The following KHDRBS3 variants were observed in gnomAD, a reference collection of about 807,000 sequenced individuals.
KHDRBS3 encodes the protein KH RNA binding domain containing, signal transduction associated 3, also known as KH domain-containing, RNA-binding, signal transduction-associated protein 3.
KHDRBS3 carries 23 observed loss-of-function variants against 45.6 expected under a neutral mutation model. The observed-to-expected ratio is 0.50, with a 90% CI of 0.36 to 0.72. The LOEUF (loss-of-function observed/expected upper bound fraction) is 0.72, where lower values mean the gene tolerates loss of function less well. Among genes scored for constraint, KHDRBS3 ranks in the 30% least tolerant of loss-of-function variants. KHDRBS3 has a pLI of 0.00. For missense variants in KHDRBS3, 352 were observed against 424.8 expected (o/e 0.83, Z 1.51); for synonymous variants, 162 against 156.5 (o/e 1.04, Z -0.26).
intron 7 of KHDRBS3, among the ~76,000 whole-genome samples, chr8:135,630,074 G>A (rs1386275143): frequency 4.6e-5 from 7 of 152,214 alleles, no homozygotes; most frequent in Non-Finnish European, 1.0e-4. Flanking sequence ...GGGCAGAGAG[G>A]GAGTAAGGAA....
intron 4 of KHDRBS3, 46 bp from the exon 5 acceptor site, chr8:135,557,402 A>T (rs368582747): frequency 1.5e-6 from 2 of 1,290,842 alleles, no homozygotes; most frequent in East Asian, 2.7e-5. Context: ...ATATTTTTGC[A>T]TTTCTAATAT....
At chr8:135,565,360 A>C (rs1179458809) in intron 5 of KHDRBS3, among the ~76,000 whole-genome samples, 1 of 152,102 alleles carries the variant, frequency 6.6e-6, no homozygotes, top group Non-Finnish European at 1.5e-5. Flanking sequence ...ACACATTATA[A>C]ATTTTTGAGA....
chr8:135,566,639 G>C, intron 5 of KHDRBS3, among the ~76,000 whole-genome samples: 1 of 152,100 alleles, frequency 6.6e-6, no homozygotes, highest in East Asian at 1.9e-4. Flanking sequence ...AAGATCACTT[G>C]AGCCCATGAG....
intron 6 of KHDRBS3, among the ~76,000 whole-genome samples, chr8:135,591,647 T>A (rs529341645): frequency 6.6e-6 from 1 of 152,212 alleles, no homozygotes; most frequent in South Asian, 2.1e-4. Context: ...TTCTGAAATT[T>A]TGATGACTAG....
chr8:135,482,668 G>C (rs1052262108), intron 1 of KHDRBS3, among the ~76,000 whole-genome samples: 22 of 152,118 alleles, frequency 1.4e-4, no homozygotes, highest in Admixed American at 2.0e-4. Context: ...CTTGCTGTTT[G>C]AGATGATGAT....
chr8:135,542,986 A>G (rs192517359), intron 3 of KHDRBS3, among the ~76,000 whole-genome samples: 1 of 152,288 alleles, frequency 6.6e-6, no homozygotes, highest in African/African-American at 2.4e-5. Flanking sequence ...TAATACTTAA[A>G]GTTTTGATTG....
chr8:135,588,991 A>G (rs867197728), intron 6 of KHDRBS3, among the ~76,000 whole-genome samples: 10 of 152,300 alleles, frequency 6.6e-5, no homozygotes, highest in African/African-American at 2.2e-4. Flanking sequence ...CCTTCTCTGT[A>G]TTCAAATAGC....
chr8:135,485,894 A>C (rs967085339), intron 1 of KHDRBS3, among the ~76,000 whole-genome samples: 1 of 141,154 alleles, frequency 7.1e-6, no homozygotes, highest in Non-Finnish European at 1.5e-5. Context: ...GCCTCAAAAT[A>C]TAATGTTTAC....
chr8:135,569,619 A>T (rs73712065), intron 5 of KHDRBS3, among the ~76,000 whole-genome samples: 2,775 of 152,226 alleles, frequency 0.018, 83 homozygotes, highest in African/African-American at 0.062. Context: ...GAAAGAAAAA[A>T]TATATATATT....
At chr8:135,460,309 T>C (rs1421659000) in intron 1 of KHDRBS3, among the ~76,000 whole-genome samples, 2 of 152,230 alleles carry the variant, frequency 1.3e-5, no homozygotes, top group East Asian at 3.8e-4. Flanking sequence ...AATAGATATG[T>C]TTTATGGTAT....
At chr8:135,481,448 A>G (rs1456149357) in intron 1 of KHDRBS3, among the ~76,000 whole-genome samples, 1 of 127,078 alleles carries the variant, frequency 7.9e-6, no homozygotes, top group African/African-American at 2.5e-5. Context: ...CCTCTGTCAT[A>G]GTCTCTGTCA....
chr8:135,594,688 A>G lies in KHDRBS3; in HGVS notation c.808-12267A>G, dbSNP rs1828895365. ...GACATTAATATATAAAAATTGTAAT[A>G]TCCAGTACTATTCACATGTGCTAGA... On this transcript the variant is annotated intron_variant, in intron 6 of 8. Coordinates refer to ENST00000355849, the MANE Select transcript of KHDRBS3 (RefSeq NM_006558.3). Among the ~76,000 whole-genome samples, 3 of 152,352 alleles carry G rather than the reference A, an allele frequency of 2.0e-5. No individual in the cohort carries two copies. The East Asian group carries it at 5.8e-4, about 29-fold the overall frequency.
intron 2 of KHDRBS3, among the ~76,000 whole-genome samples, chr8:135,534,720 C>T (rs1211570634): frequency 7.2e-5 from 11 of 152,150 alleles, no homozygotes; most frequent in African/African-American, 1.7e-4. Flanking sequence ...TCAGGCCCTG[C>T]GTGGTGCCCT....
At chr8:135,537,104 G>GGC (rs1217088524) in intron 2 of KHDRBS3, among the ~76,000 whole-genome samples, 1 of 151,570 alleles carries the variant, frequency 6.6e-6, no homozygotes, top group African/African-American at 2.4e-5. Context: ...TGAACACACA[G>GGC]GCCTAGTCAG....
At chr8:135,493,525 T>TA (rs2130439375) in intron 1 of KHDRBS3, among the ~76,000 whole-genome samples, 1 of 152,302 alleles carries the variant, frequency 6.6e-6, no homozygotes, top group Admixed American at 6.5e-5. Flanking sequence ...TATTTTAAAA[T>TA]ACTTTTCTGC....
intron 1 of KHDRBS3, among the ~76,000 whole-genome samples, chr8:135,514,680 C>G (rs943061180): frequency 1.3e-5 from 2 of 152,044 alleles, no homozygotes; most frequent in African/African-American, 4.8e-5. Flanking sequence ...AAATGGTTGA[C>G]TATAAATTTT....
At chr8:135,653,689 T>G (rs182249327) in intron 4 of KHDRBS3, among the ~76,000 whole-genome samples, 207 of 152,280 alleles carry the variant, frequency 1.4e-3, no homozygotes, top group African/African-American at 4.9e-3. Flanking sequence ...AATGTAAGTG[T>G]TTTGAGTATG....
chr8:135,598,801 A>G (rs368959710), intron 6 of KHDRBS3, among the ~76,000 whole-genome samples: 1 of 152,202 alleles, frequency 6.6e-6, no homozygotes, highest in Middle Eastern at 3.2e-3. Flanking sequence ...AACTCAAATT[A>G]TAAGACTAAG....
chr8:135,487,695 A>G (rs1822934064), intron 1 of KHDRBS3, among the ~76,000 whole-genome samples: 1 of 152,200 alleles, frequency 6.6e-6, no homozygotes, highest in African/African-American at 2.4e-5. Flanking sequence ...GGATAATAGC[A>G]CATACAAAGT....
Sources: gnomAD v4.1 joint callset for allele counts (sites outside exome capture counted in the v4.1 genomes callset) on GRCh38, gnomAD v4.1.1 for gene constraint, MANE v1.5 for transcripts, NCBI Gene and HGNC (gene_info 2026-07-23, HGNC 2026-07-21) for gene names.